Variants in MLIP observed in about 807,000 individuals in gnomAD.
MLIP encodes the protein muscular LMNA-interacting protein.
MLIP carries 79 observed loss-of-function variants against 84.8 expected under a neutral mutation model. That is an observed-to-expected ratio of 0.93 (90% CI 0.78 to 1.12). The LOEUF (loss-of-function observed/expected upper bound fraction) is 1.12. Among genes scored for constraint, MLIP ranks in the 50% most tolerant of loss-of-function variants. The pLI, the probability that MLIP is intolerant of heterozygous loss-of-function variation, is 0.00. For missense variants in MLIP, 1,257 were observed against 1,160.6 expected (o/e 1.08, Z -1.21); for synonymous variants, 504 against 463.0 (o/e 1.09, Z -1.14).
chr6:54,184,777 T>C (rs959250084), intron 9 of MLIP, among the ~76,000 whole-genome samples: 1 of 152,196 alleles, frequency 6.6e-6, no homozygotes, highest in African/African-American at 2.4e-5. Flanking sequence ...GATGCAGTAA[T>C]GGCTAAAGCC....
At chr6:54,073,513 A>G (rs10948797) in intron 1 of MLIP, among the ~76,000 whole-genome samples, 19,723 of 152,144 alleles carry the variant, frequency 0.13, 1,456 homozygotes, top group Admixed American at 0.22. Context: ...ACTTTCATCA[A>G]TTTTTGTAAA....
At chr6:54,059,741 T>A (rs1050405070) in intron 1 of MLIP, among the ~76,000 whole-genome samples, 1 of 151,518 alleles carries the variant, frequency 6.6e-6, no homozygotes, top group African/African-American at 2.4e-5. Context: ...AGAATTTTTT[T>A]TAAATAGCGT....
chr6:54,221,611 T>C (rs535484295), intron 11 of MLIP, among the ~76,000 whole-genome samples: 3 of 152,136 alleles, frequency 2.0e-5, no homozygotes, highest in South Asian at 2.1e-4. Flanking sequence ...AACCAAAATA[T>C]AACCTCTATC....
intron 5 of MLIP, among the ~76,000 whole-genome samples, chr6:54,151,668 A>G (rs1773458049): frequency 6.6e-6 from 1 of 152,198 alleles, no homozygotes; most frequent in Non-Finnish European, 1.5e-5. Flanking sequence ...GGAGCTAACA[A>G]AAATAATTCA....
chr6:54,230,612 A>G, intron 11 of MLIP, 102 bp from the exon 12 acceptor site: 10 of 989,766 alleles, frequency 1.0e-5, no homozygotes, highest in Non-Finnish European at 1.6e-5. Flanking sequence ...TTGTCTTCTT[A>G]CTGGTAAGAG....
intron 1 of MLIP, among the ~76,000 whole-genome samples, chr6:54,087,816 C>CTTTTT (rs3996980): frequency 1.7e-3 from 256 of 149,166 alleles, no homozygotes; most frequent in African/African-American, 5.5e-3. Flanking sequence ...GAAAGATACT[C>CTTTTT]TTTTTTTTTT....
intron 9 of MLIP, among the ~76,000 whole-genome samples, chr6:54,170,307 A>T (rs148933207): frequency 3.3e-5 from 5 of 151,724 alleles, no homozygotes; most frequent in African/African-American, 1.2e-4. Context: ...TGTAGTTTTT[A>T]TCATAATTAT....
At chr6:54,042,505 T>C (rs1051042225) in intron 1 of MLIP, among the ~76,000 whole-genome samples, 1 of 152,188 alleles carries the variant, frequency 6.6e-6, no homozygotes, top group African/African-American at 2.4e-5. Context: ...TTTAAAGTCA[T>C]GATTCTATCA....
intron 11 of MLIP, among the ~76,000 whole-genome samples, chr6:54,208,800 A>T (rs965945696): frequency 6.6e-6 from 1 of 152,182 alleles, no homozygotes; most frequent in Non-Finnish European, 1.5e-5. Context: ...GTCTTATAAT[A>T]CGTAAGATAT....
rs1329758542 is a variant in MLIP at position 54,065,792 on chromosome 6, TCTC to T, written c.63+46704_63+46706del. Reference sequence around the variant, plus strand: ...TAGTCAATACAAATTTTCATTCACTTCTCCTTGTCCTTACATCAAACTTTCTGT... The same window carrying T: ...TAGTCAATACAAATTTTCATTCACTTCTTGTCCTTACATCAAACTTTCTGT... On this transcript the variant is annotated intron_variant, in intron 1 of 12. Transcript: ENST00000274897. 4.0e-5 allele frequency among the ~76,000 whole-genome samples: 4 copies of T among 99,616 alleles called. 2 individuals are homozygous for T. The highest frequency in any genetic ancestry group is 1.2e-4 in the Non-Finnish European group (4 of 34,738). The allele number at this position is 99,616 out of a possible 152,430, so 65.4% of individuals were successfully genotyped here. A position where few individuals can be genotyped will look rare whatever the true frequency, so the allele number is the denominator to read the frequency against.
At chr6:54,227,610 C>T (rs1422497861) in intron 11 of MLIP, among the ~76,000 whole-genome samples, 2 of 152,108 alleles carry the variant, frequency 1.3e-5, no homozygotes, top group African/African-American at 4.8e-5. Flanking sequence ...CAAAAAGGGT[C>T]ATTTACAAAT....
chr6:54,166,653 C>T (rs1026011591), intron 8 of MLIP, among the ~76,000 whole-genome samples: 3 of 151,912 alleles, frequency 2.0e-5, no homozygotes, highest in African/African-American at 7.2e-5. Context: ...TGTTGGGATG[C>T]TCTAGTCATG....
chr6:54,158,931 G>T (rs1186046595), intron 5 of MLIP, among the ~76,000 whole-genome samples: 1 of 151,986 alleles, frequency 6.6e-6, no homozygotes, highest in Non-Finnish European at 1.5e-5. Flanking sequence ...TATTGTTTTA[G>T]AGACAGTGTC....
chr6:54,179,769 A>G (rs1776664146), intron 9 of MLIP, among the ~76,000 whole-genome samples: 1 of 152,010 alleles, frequency 6.6e-6, no homozygotes, highest in South Asian at 2.1e-4. Flanking sequence ...TATGTCTTAG[A>G]AAGTTGTAAT....
intron 1 of MLIP, chr6:54,019,162 C>T: frequency 6.6e-7 from 1 of 1,520,418 alleles, no homozygotes; most frequent in South Asian, 1.2e-5. Context: ...CTGTCATAGA[C>T]TGGAAAAGTT....
intron 11 of MLIP, among the ~76,000 whole-genome samples, chr6:54,227,170 T>C (rs1780633309): frequency 6.6e-6 from 1 of 152,230 alleles, no homozygotes; most frequent in Admixed American, 6.5e-5. Flanking sequence ...CTTGCCTCCC[T>C]TCGGCCATAA....
intron 8 of MLIP, among the ~76,000 whole-genome samples, chr6:54,162,818 G>A (rs1453596102): frequency 6.6e-6 from 1 of 151,914 alleles, no homozygotes; most frequent in Non-Finnish European, 1.5e-5. Flanking sequence ...GATATTTGAG[G>A]GTCATTGGCA....
intron 1 of MLIP, among the ~76,000 whole-genome samples, chr6:54,040,804 T>C (rs1764700912): frequency 6.6e-6 from 1 of 152,014 alleles, no homozygotes; most frequent in Admixed American, 6.6e-5. Context: ...CTAATAGAAT[T>C]AATGAAGAAA....
intron 10 of MLIP, among the ~76,000 whole-genome samples, chr6:54,190,835 G>A (rs144046927): frequency 0.014 from 1,980 of 143,880 alleles, 44 homozygotes; most frequent in African/African-American, 0.049. Context: ...TCGCTCTGTC[G>A]GCGAGGCTAG....
Sources: gnomAD v4.1 joint callset for allele counts (sites outside exome capture counted in the v4.1 genomes callset) on GRCh38, gnomAD v4.1.1 for gene constraint, MANE v1.5 for transcripts, NCBI Gene and HGNC (gene_info 2026-07-23, HGNC 2026-07-21) for gene names.